SHKBP1: variants seen among roughly 807,000 people sequenced by gnomAD.
SHKBP1 encodes the protein SH3KBP1 binding protein 1.
Under a neutral mutation model 83.9 loss-of-function variants are expected in SHKBP1, and 71 were observed. The observed-to-expected ratio is 0.85, with a 90% CI of 0.70 to 1.03. SHKBP1 has a LOEUF of 1.03. Ranked by LOEUF, SHKBP1 falls within the 50% of genes least tolerant of loss-of-function variation. The probability of loss-of-function intolerance (pLI) is 0.00; values close to 1 mark genes in which losing one functional copy is unlikely to be tolerated. For synonymous variants in SHKBP1, 371 were observed against 398.0 expected, an observed-to-expected ratio of 0.93 and a Z score of 0.81; for missense variants, 824 against 982.4, an observed-to-expected ratio of 0.84 and a Z score of 2.16.
chr19:40,590,875 C>T lies in SHKBP1; in HGVS notation c.1892+22C>T, dbSNP rs565927646. 31 of 1,572,962 alleles carry T rather than the reference C, an allele frequency of 2.0e-5. No individual in the cohort carries two copies. In the South Asian group the frequency reaches 3.3e-4, roughly 17 times the overall value. ...CCAGGTAGCCACAACTCCACTGCCC[C>T]TTCTGTGCAATGAGGGGAGAGGGGA... On this transcript the variant is annotated intron_variant, in intron 17 of 17. Transcript: ENST00000291842. The surrounding 1 kb of genome is among the most constrained non-coding windows in gnomAD (Gnocchi z 4.6).
chr19:40,585,280 AT>A (rs1369812196), intron 12 of SHKBP1, among the ~76,000 whole-genome samples: 2 of 151,688 alleles, frequency 1.3e-5, no homozygotes, highest in Non-Finnish European at 2.9e-5. Flanking sequence ...TAATTTTTGT[AT>A]TTTTTTGTAG....
intron 12 of SHKBP1, among the ~76,000 whole-genome samples, chr19:40,585,324 C>G (rs2145989329): frequency 6.6e-6 from 1 of 152,078 alleles, no homozygotes; most frequent in East Asian, 1.9e-4. Flanking sequence ...CCAGGCTACT[C>G]TTGAACTCCT....
At chr19:40,582,030 C>T (rs1166341004) in intron 9 of SHKBP1, among the ~76,000 whole-genome samples, 3 of 151,896 alleles carry the variant, frequency 2.0e-5, no homozygotes, top group Admixed American at 2.0e-4. Flanking sequence ...ACGCAATTCT[C>T]CTTCCTCAAC....
chr19:40,580,719 G>A lies in SHKBP1; in HGVS notation c.654-27G>A, dbSNP rs7259585. On this transcript the variant is annotated intron_variant, in intron 8 of 17. Transcript: ENST00000291842. ...TTGATGGGAAGGGCATGCGGTGAGG[G>A]TTGGTGATGTCCCCTCGATCCTACA... 1.9e-5 allele frequency: 31 copies of A among 1,613,644 alleles called. No homozygotes were observed. The African/African-American group carries it at 4.0e-4, about 21-fold the overall frequency.
In SHKBP1 at chr19:40,584,653, G is replaced by A. The variant is rs76171390; in HGVS notation, c.1165+936G>A. On this transcript the variant is annotated intron_variant, in intron 12 of 17. Coordinates refer to ENST00000291842, the MANE Select transcript of SHKBP1 (RefSeq NM_138392.4). ...CTCTTTTTGTTTGAGACAAGGTCTC[G>A]CTCTGCTGCCCAGGCTGGAGTGCAG... 1.6e-4 allele frequency among the ~76,000 whole-genome samples: 24 copies of A among 152,118 alleles called. No individual in the cohort carries two copies. In the East Asian group the frequency reaches 4.2e-3, roughly 27 times the overall value.
chr19:40,591,037 C>A lies in SHKBP1; in HGVS notation c.1954C>A (p.Gln652Lys), dbSNP rs2081355633. The A allele has an allele frequency of 1.9e-6, 3 of 1,612,850 alleles. No homozygotes were observed. The highest frequency in any genetic ancestry group is 1.3e-5 in the African/African-American group (1 of 74,928). ...CCACCGTGGGAGCCCAAGCCCCCCG[C>A]AGGCTGAGGCCCGGCGCCGTGGTGG... ...SGHRGSPSPPQAEARRRGGGS... is the reference protein window; with the variant it reads ...SGHRGSPSPPKAEARRRGGGS... The change falls in exon 18 of 18, where the codon CAG becomes AAG. Residue 652 changes from glutamine (Q) to lysine (K), a missense_variant. Gln to Lys is a moderately conservative substitution (Grantham distance 53). Coordinates refer to ENST00000291842, the MANE Select transcript of SHKBP1 (RefSeq NM_138392.4).
In SHKBP1 at chr19:40,578,503, T is replaced by C; in HGVS notation, c.361T>C (p.Cys121Arg). ...TCGAGAGGAGTTGGATCGATCTTCT[T>C]GTGGAAACGTCCTCTTCAATGGTTA... Reference protein sequence around the residue: ...QLREELDRSSCGNVLFNGYLP... With the variant: ...QLREELDRSSRGNVLFNGYLP... The change falls in exon 6 of 18, where the codon TGT (cysteine) becomes CGT (arginine). Residue 121 changes from cysteine (C) to arginine (R), a missense_variant. By Grantham distance (180) the Cys-to-Arg change is radical. Coordinates refer to ENST00000291842, the MANE Select transcript of SHKBP1 (RefSeq NM_138392.4). 6.2e-7 allele frequency: 1 copy of C among 1,614,172 alleles called. No individual in the cohort carries two copies. Among genetic ancestry groups the C allele is most frequent in the South Asian group, 1.1e-5 (1 of 91,084 alleles).
At chr19:40,577,783 T>C (rs549488571) in intron 4 of SHKBP1, 153 bp downstream of exon 4, 2 of 930,532 alleles carry the variant, frequency 2.1e-6, no homozygotes, top group South Asian at 1.5e-5. Context: ...TGCTCACGCC[T>C]GTAATCCCAA....
Position 40,590,600 on chromosome 19 carries a change from C to G in SHKBP1, c.1769-130C>G. On this transcript the variant is annotated intron_variant, in intron 16 of 17. Coordinates refer to ENST00000291842, the MANE Select transcript of SHKBP1 (RefSeq NM_138392.4). This position sits in a 1 kb window ranked among gnomAD's most constrained non-coding sequence, Gnocchi z 4.6. ...TGTTTTTCAACCCCTGTCTCAGCCTCTGGCCCCCATGCATTGATCTCTGCT... is the reference window on the plus strand; with the variant it reads ...TGTTTTTCAACCCCTGTCTCAGCCTGTGGCCCCCATGCATTGATCTCTGCT... The G allele has an allele frequency of 1.5e-6, 2 of 1,334,784 alleles. No homozygotes were observed. The highest frequency in any genetic ancestry group is 2.1e-6 in the Non-Finnish European group (2 of 975,530). 82.7% of individuals were successfully genotyped at this position (1,334,784 alleles called of 1,614,324 possible).
At chr19:40,584,132 C>T (rs1018181721) in intron 12 of SHKBP1, among the ~76,000 whole-genome samples, 4 of 152,134 alleles carry the variant, frequency 2.6e-5, no homozygotes, top group Admixed American at 1.3e-4. Context: ...TGAGCCACCG[C>T]GCCCAGCCAG....
At chr19:40,579,718 G>A (rs1001742621) in intron 6 of SHKBP1, among the ~76,000 whole-genome samples, 30 of 152,192 alleles carry the variant, frequency 2.0e-4, no homozygotes, top group African/African-American at 7.2e-4. Flanking sequence ...TGCCAAGGGT[G>A]CAGTCTTCCA....
intron 12 of SHKBP1, among the ~76,000 whole-genome samples, chr19:40,586,046 A>C (rs1184506351): frequency 6.6e-6 from 1 of 152,018 alleles, no homozygotes; most frequent in African/African-American, 2.4e-5. Flanking sequence ...CTGGGATCAT[A>C]GGTGAATGCC....
intron 10 of SHKBP1, among the ~76,000 whole-genome samples, chr19:40,583,031 G>A (rs1054159015): frequency 2.0e-5 from 3 of 151,434 alleles, no homozygotes; most frequent in Admixed American, 6.6e-5. Flanking sequence ...AGTGGAGGCC[G>A]GGTGCAGTGA....
rs765348686 is a variant in SHKBP1, at chr19:40,588,762, G to C, written c.1475G>C (p.Ser492Thr). 6.2e-7 allele frequency: 1 copy of C among 1,613,422 alleles called. No homozygotes were observed. Among genetic ancestry groups the C allele is most frequent in the African/African-American group, 1.3e-5 (1 of 74,928 alleles). Residue 492 changes from serine to threonine, a missense_variant, in exon 14 of 18, where the codon AGT (serine) becomes ACT (threonine). Physicochemically the swap from Ser to Thr is moderately conservative, Grantham distance 58 (BLOSUM62 1). Around this residue, in one of 3 missense-constraint regions of SHKBP1, gnomAD observed 287 missense variants for 322.9 expected, o/e 0.89. Transcript: ENST00000291842. Reference protein sequence around the residue: ...LESADGHGGCSAGNDIGPYGE... With the variant: ...LESADGHGGCTAGNDIGPYGE... The stretch of plus-strand genomic sequence containing the variant: ...TCGGCAGATGGGCATGGCGGCTGCA[G>C]TGCTGGCAATGACATTGGTGCCTAC...
In SHKBP1 at chr19:40,580,655, A is replaced by C. The variant is rs1314419870; in HGVS notation, c.652A>C (p.Arg218=). 6.2e-7 allele frequency: 1 copy of C among 1,614,130 alleles called. No homozygotes were observed. Among genetic ancestry groups the C allele is most frequent in the Non-Finnish European group, 8.5e-7 (1 of 1,180,008 alleles). Residue 218 remains arginine, a splice_region_variant and synonymous_variant, in exon 8 of 18, where the codon AGG becomes CGG. Coordinates refer to ENST00000291842, the MANE Select transcript of SHKBP1 (RefSeq NM_138392.4). The part of the protein sequence containing the change: ...VAYTQFLVCY[R]LKEASGWQLV... ...CTATACCCAGTTTCTAGTCTGCTAC[A>C]GGTGCTTGGGGAGGGAGTGGCAGGA...
At chr19:40,585,937 G>T in intron 12 of SHKBP1, 1 of 152,132 alleles carries the variant, frequency 6.6e-6, no homozygotes. Flanking sequence ...AGACAGTCTC[G>T]CTTCGTCACC....
Position 40,577,614 on chromosome 19 carries a change from A to G in SHKBP1, c.244A>G (p.Lys82Glu), listed in dbSNP as rs1171649698. 3.7e-6 allele frequency: 6 copies of G among 1,613,878 alleles called. No homozygotes were observed. The highest frequency in any genetic ancestry group is 1.7e-5 in the Admixed American group (1 of 59,984). The change falls in exon 4 of 18, where the codon AAA becomes GAA. Residue 82 changes from lysine to glutamate, a missense_variant. Around this residue, in one of 3 missense-constraint regions of SHKBP1, gnomAD observed 355 missense variants for 386.4 expected, o/e 0.92. Coordinates refer to ENST00000291842, the MANE Select transcript of SHKBP1 (RefSeq NM_138392.4). ...CCCCATCCTCAACTTCCTGCGCACCAAAGAGTTGGATCCCAGGTTGGCATG... is the reference window on the plus strand; with the variant it reads ...CCCCATCCTCAACTTCCTGCGCACCGAAGAGTTGGATCCCAGGTTGGCATG... ...FAPILNFLRTKELDPRGVHGS... is the reference protein window; with the variant it reads ...FAPILNFLRTEELDPRGVHGS...
At chr19:40,579,506 A>T (rs7254675) in intron 6 of SHKBP1, among the ~76,000 whole-genome samples, 17 of 151,154 alleles carry the variant, frequency 1.1e-4, no homozygotes, top group Middle Eastern at 3.4e-3. Context: ...TACTAAAAAT[A>T]AAAAAAAATT....
intron 1 of SHKBP1, 60 bp downstream of exon 1, chr19:40,577,045 C>T (rs2081218909): frequency 7.5e-7 from 1 of 1,335,072 alleles, no homozygotes; most frequent in African/African-American, 1.5e-5. Context: ...GTGGGAGTAT[C>T]CGCCTCTCCT....
Sources: gnomAD v4.1 joint callset for allele counts (sites outside exome capture counted in the v4.1 genomes callset) on GRCh38, gnomAD v4.1.1 for gene constraint, gnomAD v4.1.1 regional missense constraint, Gnocchi (gnomAD v3.1) non-coding constraint, MANE v1.5 for transcripts, NCBI Gene and HGNC (gene_info 2026-07-23, HGNC 2026-07-21) for gene names.